The following MAST4 variants were observed in gnomAD, a reference collection of about 807,000 sequenced individuals.
The protein encoded by MAST4 is microtubule-associated serine/threonine-protein kinase 4.
In MAST4, 89 loss-of-function variants were observed where a neutral mutation model predicts 162.7. The observed-to-expected ratio is 0.55, with a 90% CI of 0.46 to 0.65. The LOEUF (loss-of-function observed/expected upper bound fraction) is 0.65, where lower values mean the gene tolerates loss of function less well. Among genes scored for constraint, MAST4 ranks in the 30% least tolerant of loss-of-function variants. MAST4 has a pLI of 0.00. For missense variants in MAST4, 3,153 were observed against 3,374.0 expected (o/e 0.93, Z 1.62); for synonymous variants, 1,479 against 1,361.1 (o/e 1.09, Z -1.91).
At chr5:66,861,621 T>C (rs1046603034) in intron 3 of MAST4, among the ~76,000 whole-genome samples, 2 of 152,228 alleles carry the variant, frequency 1.3e-5, no homozygotes, top group Non-Finnish European at 2.9e-5. Context: ...CAAAATGCTG[T>C]GTTTTACATT....
At chr5:67,038,558 T>TTGATGGAG (rs1049916139) in intron 4 of MAST4, among the ~76,000 whole-genome samples, 1 of 152,216 alleles carries the variant, frequency 6.6e-6, no homozygotes, top group African/African-American at 2.4e-5. Flanking sequence ...GATGATGGTG[T>TTGATGGAG]TGATGGAGTG....
chr5:66,888,556 T>A (rs952236457), intron 3 of MAST4, among the ~76,000 whole-genome samples: 49 of 152,366 alleles, frequency 3.2e-4, no homozygotes, highest in African/African-American at 1.2e-3. Context: ...AGCCTTTTTC[T>A]TTTGGTATTA....
chr5:66,975,358 T>C (rs6449840), intron 4 of MAST4, among the ~76,000 whole-genome samples: 24,993 of 152,128 alleles, frequency 0.16, 3,626 homozygotes, highest in African/African-American at 0.39. Flanking sequence ...CCTGGGACCC[T>C]GAAATGACAA....
chr5:66,899,666 G>A (rs911700544), intron 3 of MAST4, among the ~76,000 whole-genome samples: 3 of 152,040 alleles, frequency 2.0e-5, no homozygotes, highest in Non-Finnish European at 4.4e-5. Flanking sequence ...CAGTTGTAGG[G>A]CCGTGTAACT....
At chr5:66,912,619 A>C (rs530105062) in intron 4 of MAST4, among the ~76,000 whole-genome samples, 1 of 152,318 alleles carries the variant, frequency 6.6e-6, no homozygotes, top group East Asian at 1.9e-4. Context: ...ATGTATATAG[A>C]TGTAGTTGAA....
intron 1 of MAST4, among the ~76,000 whole-genome samples, chr5:66,630,572 G>A (rs762352947): frequency 1.3e-5 from 2 of 152,106 alleles, no homozygotes; most frequent in Admixed American, 6.6e-5. Flanking sequence ...TAGAGTTTAT[G>A]TTGAAATTTA....
At chr5:67,101,980 A>G (rs1206319927) in intron 8 of MAST4, among the ~76,000 whole-genome samples, 1 of 150,456 alleles carries the variant, frequency 6.6e-6, no homozygotes, top group Non-Finnish European at 1.5e-5. Context: ...CCTCTGTTTC[A>G]TATAATACAT....
intron 6 of MAST4, among the ~76,000 whole-genome samples, chr5:67,092,676 T>C (rs1764000853): frequency 1.3e-5 from 2 of 152,212 alleles, no homozygotes; most frequent in South Asian, 4.1e-4. Context: ...CTCCAAGAAA[T>C]GCTGTGAGTC....
At chr5:67,065,661 A>C (rs1760143204) in intron 5 of MAST4, among the ~76,000 whole-genome samples, 1 of 152,258 alleles carries the variant, frequency 6.6e-6, no homozygotes, top group African/African-American at 2.4e-5. Context: ...CTTAAAATCA[A>C]GTATATATGC....
At chr5:67,018,663 C>G (rs929124806) in intron 4 of MAST4, among the ~76,000 whole-genome samples, 10 of 152,078 alleles carry the variant, frequency 6.6e-5, no homozygotes, top group Admixed American at 3.3e-4. Flanking sequence ...ACTTGGAAGA[C>G]ATGTAATTTA....
intron 1 of MAST4, among the ~76,000 whole-genome samples, chr5:66,707,916 A>G (rs1335052985): frequency 6.6e-6 from 1 of 152,154 alleles, no homozygotes; most frequent in Non-Finnish European, 1.5e-5. Flanking sequence ...GTGCTTTATG[A>G]AAGACTTACC....
At chr5:66,800,050 T>G (rs985616175) in intron 3 of MAST4, among the ~76,000 whole-genome samples, 1 of 152,224 alleles carries the variant, frequency 6.6e-6, no homozygotes, top group Non-Finnish European at 1.5e-5. Flanking sequence ...TTATGGAATT[T>G]AAGTTTCATT....
intron 3 of MAST4, among the ~76,000 whole-genome samples, chr5:66,889,294 A>G (rs1160675785): frequency 6.6e-6 from 1 of 152,182 alleles, no homozygotes; most frequent in Non-Finnish European, 1.5e-5. Flanking sequence ...AACAAGAAAC[A>G]TAGTTAAGTG....
intron 4 of MAST4, among the ~76,000 whole-genome samples, chr5:66,936,206 C>A (rs1029304616): frequency 2.6e-5 from 4 of 152,202 alleles, no homozygotes; most frequent in Admixed American, 1.3e-4. Flanking sequence ...TTCAAATGGA[C>A]TCTATCAATG....
At chr5:67,137,741 C>A (rs779840585) in intron 19 of MAST4, among the ~76,000 whole-genome samples, 3 of 152,162 alleles carry the variant, frequency 2.0e-5, no homozygotes, top group Non-Finnish European at 2.9e-5. Context: ...GTCCCACAGC[C>A]TGGTATGGTA....
chr5:67,153,400 G>C, intron 25 of MAST4, 58 bp from the exon 26 acceptor site: 1 of 1,537,352 alleles, frequency 6.5e-7, no homozygotes, highest in Non-Finnish European at 8.8e-7. Context: ...AGAAGACACA[G>C]TAGGTGTTAG....
intron 3 of MAST4, among the ~76,000 whole-genome samples, chr5:66,847,498 G>A (rs980569100): frequency 6.6e-6 from 1 of 152,182 alleles, no homozygotes; most frequent in African/African-American, 2.4e-5. Context: ...GCCAGGCGTG[G>A]TAGTGGACGC....
chr5:66,822,832 G>T (rs1757059505), intron 3 of MAST4, among the ~76,000 whole-genome samples: 1 of 152,100 alleles, frequency 6.6e-6, no homozygotes, highest in Admixed American at 6.5e-5. Flanking sequence ...TTCCTTCTTT[G>T]TTTAAACTCC....
At chr5:66,855,316 A>G (rs187405685) in intron 3 of MAST4, among the ~76,000 whole-genome samples, 10 of 152,240 alleles carry the variant, frequency 6.6e-5, no homozygotes, top group African/African-American at 2.4e-4. Context: ...ACCTTCCGCT[A>G]TGATTAAAAG....
Sources: allele counts gnomAD v4.1 joint callset (sites outside exome capture counted in the v4.1 genomes callset), GRCh38; gene constraint gnomAD v4.1.1; transcripts MANE v1.5; gene names NCBI Gene and HGNC (gene_info 2026-07-23, HGNC 2026-07-21).